Variants in SNTG1 observed in about 807,000 individuals in gnomAD.
SNTG1 encodes syntrophin gamma 1.
SNTG1 carries 39 observed loss-of-function variants against 74.7 expected under a neutral mutation model. The observed-to-expected ratio is 0.52, with a 90% confidence interval of 0.40 to 0.68. The LOEUF is 0.68. SNTG1 is among the 30% of genes least tolerant of loss of function. The probability of loss-of-function intolerance (pLI) is 0.00; values close to 1 mark genes in which losing one functional copy is unlikely to be tolerated. For synonymous variants in SNTG1, 254 were observed against 217.1 expected, an observed-to-expected ratio of 1.17 and a Z score of -1.49; for missense variants, 685 against 609.5, an observed-to-expected ratio of 1.12 and a Z score of -1.30.
intron 9 of SNTG1, among the ~76,000 whole-genome samples, chr8:50,521,690 A>C (rs1159754731): frequency 1.3e-5 from 2 of 152,196 alleles, no homozygotes; most frequent in Admixed American, 6.5e-5. Flanking sequence ...CAATCTTCTT[A>C]AACTCTGCAA....
At chr8:50,422,289 A>T (rs2131465601) in intron 4 of SNTG1, among the ~76,000 whole-genome samples, 1 of 148,770 alleles carries the variant, frequency 6.7e-6, no homozygotes, top group South Asian at 2.2e-4. Context: ...CTATCTATGT[A>T]GATAGGTAGA....
At chr8:50,438,230 T>A (rs1194650471) in intron 4 of SNTG1, among the ~76,000 whole-genome samples, 24 of 152,110 alleles carry the variant, frequency 1.6e-4, no homozygotes, top group Admixed American at 1.6e-3. Context: ...GAATACGTAA[T>A]GTGGAAATAA....
At chr8:50,661,687 G>T (rs1215110818) in intron 15 of SNTG1, among the ~76,000 whole-genome samples, 2 of 152,202 alleles carry the variant, frequency 1.3e-5, no homozygotes, top group Middle Eastern at 3.4e-3. Context: ...TTGTCCTAAT[G>T]ATGTCTCTCC....
At chr8:50,642,086 A>C (rs2095077110) in intron 13 of SNTG1, among the ~76,000 whole-genome samples, 1 of 152,202 alleles carries the variant, frequency 6.6e-6, no homozygotes, top group Non-Finnish European at 1.5e-5. Context: ...TTATCTCCAA[A>C]GCAGATTTTC....
At chr8:50,336,384 G>T (rs2091143035) in intron 2 of SNTG1, among the ~76,000 whole-genome samples, 1 of 152,068 alleles carries the variant, frequency 6.6e-6, no homozygotes, top group Non-Finnish European at 1.5e-5. Flanking sequence ...TTTCCATAAT[G>T]CTCTATCCCT....
intron 2 of SNTG1, among the ~76,000 whole-genome samples, chr8:50,298,059 C>T (rs1160764): frequency 0.59 from 89,782 of 151,408 alleles, 29,270 homozygotes; most frequent in East Asian, 0.85. Flanking sequence ...TATTAAGGGC[C>T]GAATCATCTT....
Position 50,635,291 on chromosome 8 carries a change from G to A in SNTG1, c.850-21618G>A, listed in dbSNP as rs886211891. On this transcript the variant is annotated intron_variant, in intron 13 of 18. Coordinates refer to ENST00000642720, the MANE Select transcript of SNTG1 (RefSeq NM_018967.5). ...TTTGGCCAACAAAAGCCACTTTCTC[G>A]CTACTTCCTACATTCGCTCAAGGCC... Among the ~76,000 whole-genome samples, 9 of 151,916 alleles carry A rather than the reference G, an allele frequency of 5.9e-5. No homozygotes were observed. In the South Asian group the frequency reaches 8.3e-4, roughly 14 times the overall value.
chr8:50,391,625 G>A (rs947465048), intron 2 of SNTG1, among the ~76,000 whole-genome samples: 2 of 152,084 alleles, frequency 1.3e-5, no homozygotes, highest in Non-Finnish European at 2.9e-5. Context: ...TCTATTGATT[G>A]GAATAGTTTC....
At chr8:50,751,179 A>C (rs973142291) in intron 17 of SNTG1, among the ~76,000 whole-genome samples, 1 of 152,080 alleles carries the variant, frequency 6.6e-6, no homozygotes, top group African/African-American at 2.4e-5. Flanking sequence ...ATAAGGTAAA[A>C]CAAACTACAT....
chr8:50,588,354 C>T lies in SNTG1; in HGVS notation c.811-2525C>T, dbSNP rs112644612. Among the ~76,000 whole-genome samples the T allele has an allele frequency of 1.4e-3, 218 of 152,160 alleles. 2 individuals carry two copies. The highest frequency in any genetic ancestry group is 4.9e-3 in the African/African-American group (204 of 41,520). ...CAACACCAGGAAAAATTTCTGAATA[C>T]AATGGAAGCACATTTCTTGCTGCCA... On this transcript the variant is annotated intron_variant, in intron 12 of 18. Transcript: ENST00000642720.
rs2095566404 is a variant in SNTG1, at chr8:50,751,154, T to C, written c.1285-847T>C. Among the ~76,000 whole-genome samples the C allele has an allele frequency of 2.0e-5, 3 of 152,016 alleles. No individual in the cohort carries two copies. The South Asian group carries it at 6.2e-4, about 31-fold the overall frequency. On this transcript the variant is annotated intron_variant, in intron 17 of 18. Transcript: ENST00000642720. ...ATTTTCTATCACATATTTAATGAGATAAAGGTATGCTAAGATAAGGTAAAA... is the reference window on the plus strand; with the variant it reads ...ATTTTCTATCACATATTTAATGAGACAAAGGTATGCTAAGATAAGGTAAAA...
chr8:50,170,206 T>C (rs2082758938), intron 1 of SNTG1, among the ~76,000 whole-genome samples: 1 of 152,296 alleles, frequency 6.6e-6, no homozygotes, highest in East Asian at 1.9e-4. Context: ...GTTCCTACTT[T>C]CACACCTCAA....
chr8:50,428,948 A>G (rs2093198649), intron 4 of SNTG1, among the ~76,000 whole-genome samples: 2 of 152,132 alleles, frequency 1.3e-5, no homozygotes, highest in Admixed American at 6.6e-5. Flanking sequence ...ATTATAAAAT[A>G]CCTATTCTGA....
intron 1 of SNTG1, among the ~76,000 whole-genome samples, chr8:49,963,046 C>T (rs1328711214): frequency 6.6e-6 from 1 of 152,210 alleles, no homozygotes; most frequent in Non-Finnish European, 1.5e-5. Context: ...TGACCGTCTC[C>T]TTGCAGTTTC....
intron 12 of SNTG1, among the ~76,000 whole-genome samples, chr8:50,583,593 T>C (rs1468747848): frequency 1.3e-5 from 2 of 152,036 alleles, no homozygotes; most frequent in South Asian, 2.1e-4. Flanking sequence ...TGGAAGGAAA[T>C]AGGTCAAATC....
intron 17 of SNTG1, among the ~76,000 whole-genome samples, chr8:50,713,862 A>AG (rs2131569066): frequency 6.6e-6 from 1 of 152,200 alleles, no homozygotes; most frequent in South Asian, 2.1e-4. Flanking sequence ...GTTTAAGACC[A>AG]GCATGACCAA....
chr8:50,021,802 A>G (rs1816839809), intron 1 of SNTG1, among the ~76,000 whole-genome samples: 1 of 148,538 alleles, frequency 6.7e-6, no homozygotes, highest in Non-Finnish European at 1.5e-5. Context: ...TTAGCCAGGC[A>G]TGGTGGCTTG....
chr8:50,437,561 A>G (rs2093317143), intron 4 of SNTG1, among the ~76,000 whole-genome samples: 1 of 152,320 alleles, frequency 6.6e-6, no homozygotes, highest in African/African-American at 2.4e-5. Context: ...CATCTGTAAG[A>G]AAGAGGGCAG....
At chr8:50,559,672 A>G (rs2094475835) in intron 12 of SNTG1, among the ~76,000 whole-genome samples, 2 of 152,110 alleles carry the variant, frequency 1.3e-5, no homozygotes, top group Admixed American at 6.6e-5. Flanking sequence ...CTGGCTAACC[A>G]TTTCTGGAAA....
Sources: gnomAD v4.1 joint callset for allele counts (sites outside exome capture counted in the v4.1 genomes callset) on GRCh38, gnomAD v4.1.1 for gene constraint, MANE v1.5 for transcripts, NCBI Gene and HGNC (gene_info 2026-07-23, HGNC 2026-07-21) for gene names.